ADAMTSL1: variants seen among roughly 807,000 people sequenced by gnomAD.
The protein encoded by ADAMTSL1 is ADAMTS like 1.
In ADAMTSL1, 126 loss-of-function variants were observed where a neutral mutation model predicts 201.8. That is an observed-to-expected ratio of 0.62 (90% CI 0.54 to 0.72). The LOEUF (loss-of-function observed/expected upper bound fraction) is 0.72, where lower values mean the gene tolerates loss of function less well. Among genes scored for constraint, ADAMTSL1 ranks in the 30% least tolerant of loss-of-function variants. ADAMTSL1 has a pLI of 0.00. For missense variants in ADAMTSL1, 2,679 were observed against 2,277.8 expected, an observed-to-expected ratio of 1.18 and a Z score of -3.59; for synonymous variants, 1,121 against 903.4, an observed-to-expected ratio of 1.24 and a Z score of -4.32.
intron 1 of ADAMTSL1, among the ~76,000 whole-genome samples, chr9:18,055,409 G>T (rs1822137445): frequency 6.6e-6 from 1 of 152,108 alleles, no homozygotes; most frequent in Non-Finnish European, 1.5e-5. Context: ...GTAGAAGTAG[G>T]GTCAATCTCC....
At chr9:18,228,460 G>A (rs1428159904) in intron 2 of ADAMTSL1, among the ~76,000 whole-genome samples, 2 of 152,030 alleles carry the variant, frequency 1.3e-5, no homozygotes, top group Non-Finnish European at 2.9e-5. Context: ...TTGCTTTGTT[G>A]CCTAGGTTTA....
At chr9:18,098,483 T>G (rs763067101) in intron 1 of ADAMTSL1, among the ~76,000 whole-genome samples, 2 of 152,228 alleles carry the variant, frequency 1.3e-5, no homozygotes, top group Non-Finnish European at 2.9e-5. Context: ...ATTTCAAAGC[T>G]ATTGTAAGTG....
chr9:18,747,218 G>T (rs997979012), intron 15 of ADAMTSL1, among the ~76,000 whole-genome samples: 1 of 152,202 alleles, frequency 6.6e-6, no homozygotes, highest in South Asian at 2.1e-4. Flanking sequence ...TACGAGCTGT[G>T]TGACTTTGGA....
intron 2 of ADAMTSL1, among the ~76,000 whole-genome samples, chr9:18,234,562 G>C (rs911778455): frequency 1.3e-5 from 2 of 152,128 alleles, no homozygotes; most frequent in Non-Finnish European, 2.9e-5. Flanking sequence ...TAATAGAAGT[G>C]CCAGAGCCAA....
chr9:18,309,551 CAG>C (rs542897110), intron 2 of ADAMTSL1, among the ~76,000 whole-genome samples: 4 of 152,164 alleles, frequency 2.6e-5, no homozygotes, highest in Non-Finnish European at 5.9e-5. Context: ...AATAGACAAA[CAG>C]AGAGCCAAAT....
intron 2 of ADAMTSL1, among the ~76,000 whole-genome samples, chr9:18,241,511 G>A (rs1831060994): frequency 6.6e-6 from 1 of 151,912 alleles, no homozygotes; most frequent in Non-Finnish European, 1.5e-5. Context: ...CTCAAGCTCT[G>A]AGTAGACTAA....
chr9:18,770,948 G>A (rs554363907), intron 17 of ADAMTSL1, among the ~76,000 whole-genome samples, 167 bp downstream of exon 17: 144 of 152,244 alleles, frequency 9.5e-4, no homozygotes, highest in African/African-American at 3.3e-3. Flanking sequence ...CTTTTAACGA[G>A]GCTGCAGGGA....
At chr9:18,202,829 G>C (rs946951395) in intron 2 of ADAMTSL1, among the ~76,000 whole-genome samples, 2 of 152,130 alleles carry the variant, frequency 1.3e-5, no homozygotes, top group Non-Finnish European at 2.9e-5. Flanking sequence ...GGTTGAGTGG[G>C]TTGAGTGGAT....
rs367760067 is a variant in ADAMTSL1 at position 18,905,941 on chromosome 9, G to A, written c.4961+50G>A. On this transcript the variant is annotated intron_variant, in intron 27 of 28. Transcript: ENST00000380548. ...TTTCCCAGCCCCATGTCAACAGCAC[G>A]GAAAGATGGTGCTGAGTGAATGTTT... The A allele has an allele frequency of 2.4e-5, 35 of 1,447,848 alleles. No individual in the cohort carries two copies. The East Asian group carries it at 4.8e-4, about 20-fold the overall frequency. The allele number at this position is 1,447,848 out of a possible 1,614,324, so 89.7% of individuals were successfully genotyped here.
intron 2 of ADAMTSL1, among the ~76,000 whole-genome samples, chr9:18,321,800 CCAAAACAAAA>C (rs910330827): frequency 6.6e-6 from 1 of 151,932 alleles, no homozygotes; most frequent in Non-Finnish European, 1.5e-5. Flanking sequence ...GTCAAAAAAA[CCAAAACAAAA>C]CAAAACAAAA....
At chr9:18,519,370 G>A (rs1335457015) in intron 2 of ADAMTSL1, among the ~76,000 whole-genome samples, 1 of 148,996 alleles carries the variant, frequency 6.7e-6, no homozygotes, top group African/African-American at 2.5e-5. Context: ...AGGAGGAAGC[G>A]AGGGCTGAAT....
chr9:18,786,423 T>G (rs1033424091), intron 19 of ADAMTSL1, among the ~76,000 whole-genome samples: 8 of 152,252 alleles, frequency 5.3e-5, no homozygotes, highest in African/African-American at 1.9e-4. Context: ...GTTCTGCCAC[T>G]TAGTATTGTG....
At chr9:18,433,506 C>T (rs114022392) in intron 2 of ADAMTSL1, among the ~76,000 whole-genome samples, 2,991 of 152,098 alleles carry the variant, frequency 0.02, 96 homozygotes, top group African/African-American at 0.069. Context: ...TTCCCTGATG[C>T]GCTGAAATTG....
At chr9:18,592,557 C>T (rs1823993545) in intron 4 of ADAMTSL1, among the ~76,000 whole-genome samples, 1 of 152,100 alleles carries the variant, frequency 6.6e-6, no homozygotes, top group African/African-American at 2.4e-5. Context: ...CCATTATGCT[C>T]CTCATCTTCA....
At chr9:18,106,596 T>C (rs1048252804) in intron 1 of ADAMTSL1, among the ~76,000 whole-genome samples, 3 of 152,202 alleles carry the variant, frequency 2.0e-5, no homozygotes, top group Non-Finnish European at 4.4e-5. Context: ...CTAGAGCCAA[T>C]TCACAATTAC....
intron 5 of ADAMTSL1, among the ~76,000 whole-genome samples, chr9:18,624,873 T>A (rs1826256770): frequency 6.6e-6 from 1 of 152,214 alleles, no homozygotes; most frequent in African/African-American, 2.4e-5. Flanking sequence ...CTGATGATTA[T>A]ACATACTGAC....
At chr9:18,681,711 G>C in intron 11 of ADAMTSL1, 101 bp from the exon 12 acceptor site, 2 of 786,778 alleles carry the variant, frequency 2.5e-6, no homozygotes, top group East Asian at 3.3e-5. Flanking sequence ...GGGGGGGGGC[G>C]GGGAAAAAGA....
At chr9:18,397,076 A>G (rs1587070138) in intron 2 of ADAMTSL1, among the ~76,000 whole-genome samples, 1 of 150,412 alleles carries the variant, frequency 6.6e-6, no homozygotes, top group East Asian at 1.9e-4. Context: ...CTATTTTTTA[A>G]CCCCTATGCA....
intron 23 of ADAMTSL1, among the ~76,000 whole-genome samples, chr9:18,833,506 T>C (rs1358091172): frequency 1.3e-5 from 2 of 152,234 alleles, no homozygotes; most frequent in African/African-American, 4.8e-5. Flanking sequence ...ATATCTTCTT[T>C]TGAAAAGCGT....
Sources: allele counts gnomAD v4.1 joint callset (sites outside exome capture counted in the v4.1 genomes callset), GRCh38; gene constraint gnomAD v4.1.1; transcripts MANE v1.5; gene names NCBI Gene and HGNC (gene_info 2026-07-23, HGNC 2026-07-21).